Variants in MAST4 observed in about 807,000 individuals in gnomAD.
The protein encoded by MAST4 is microtubule associated serine/threonine kinase family member 4, also known as microtubule-associated serine/threonine-protein kinase 4.
MAST4 carries 89 observed loss-of-function variants against 162.7 expected under a neutral mutation model. The observed-to-expected ratio is 0.55, with a 90% CI of 0.46 to 0.65. MAST4 has a LOEUF of 0.65. Among genes scored for constraint, MAST4 ranks in the 30% least tolerant of loss-of-function variants. The probability of loss-of-function intolerance (pLI) is 0.00; values close to 1 mark genes in which losing one functional copy is unlikely to be tolerated. For missense variants in MAST4, 3,153 were observed against 3,374.0 expected (o/e 0.93, Z 1.62); for synonymous variants, 1,479 against 1,361.1 (o/e 1.09, Z -1.91).
intron 3 of MAST4, among the ~76,000 whole-genome samples, chr5:66,880,053 T>C (rs969398317): frequency 1.3e-5 from 2 of 152,216 alleles, no homozygotes; most frequent in Admixed American, 1.3e-4. Flanking sequence ...AGTAGTTAAG[T>C]GGATAAACAA....
At chr5:67,107,956 G>T (rs1010300200) in intron 10 of MAST4, among the ~76,000 whole-genome samples, 3 of 152,182 alleles carry the variant, frequency 2.0e-5, no homozygotes, top group Non-Finnish European at 2.9e-5. Flanking sequence ...GAGCTTGCTG[G>T]TAACAGCCAG....
intron 1 of MAST4, among the ~76,000 whole-genome samples, chr5:66,686,753 T>G (rs868601862): frequency 1.3e-5 from 2 of 152,168 alleles, no homozygotes; most frequent in African/African-American, 2.4e-5. Context: ...CTCCCGGAAG[T>G]TGCCCCACCC....
At chr5:67,017,925 A>G (rs1292691437) in intron 4 of MAST4, among the ~76,000 whole-genome samples, 1 of 152,184 alleles carries the variant, frequency 6.6e-6, no homozygotes, top group Non-Finnish European at 1.5e-5. Flanking sequence ...AAAAAATTTT[A>G]CATAGATTGA....
At chr5:66,768,185 C>T (rs757398119) in intron 2 of MAST4, among the ~76,000 whole-genome samples, 4 of 152,098 alleles carry the variant, frequency 2.6e-5, no homozygotes, top group Non-Finnish European at 5.9e-5. Context: ...AAAGTATGAG[C>T]TGGAAGGGTA....
At chr5:66,708,420 G>T (rs1403048916) in intron 1 of MAST4, among the ~76,000 whole-genome samples, 1 of 152,138 alleles carries the variant, frequency 6.6e-6, no homozygotes, top group Non-Finnish European at 1.5e-5. Flanking sequence ...TGTTAAAGGA[G>T]CAGTCCATAA....
At chr5:66,617,928 A>T (rs1743808807) in intron 1 of MAST4, among the ~76,000 whole-genome samples, 2 of 151,958 alleles carry the variant, frequency 1.3e-5, no homozygotes, top group Non-Finnish European at 2.9e-5. Context: ...TTGGATAGGG[A>T]ACTAGGTGCT....
intron 1 of MAST4, chr5:66,738,401 T>A (rs1752273629): frequency 6.6e-6 from 1 of 152,232 alleles, no homozygotes; most frequent in Non-Finnish European, 1.5e-5. Flanking sequence ...ACAATATTAT[T>A]GTATGCCTAG....
intron 3 of MAST4, among the ~76,000 whole-genome samples, chr5:66,823,958 C>T (rs1757116548): frequency 6.6e-6 from 1 of 152,168 alleles, no homozygotes; most frequent in Non-Finnish European, 1.5e-5. Context: ...CATGAATCAT[C>T]TGTTTCTCCT....
At chr5:66,678,796 A>ATT (rs11311474) in intron 1 of MAST4, among the ~76,000 whole-genome samples, 10 of 146,382 alleles carry the variant, frequency 6.8e-5, no homozygotes, top group African/African-American at 2.0e-4. Context: ...CCGGCCCCCA[A>ATT]TTTTTTTTTT....
At chr5:66,907,260 G>A (rs1441353956) in intron 4 of MAST4, among the ~76,000 whole-genome samples, 1 of 142,884 alleles carries the variant, frequency 7.0e-6, no homozygotes, top group Non-Finnish European at 1.5e-5. Context: ...CACCACACAG[G>A]AACAGAAGAG....
At chr5:66,612,547 C>A (rs1743359441) in intron 1 of MAST4, among the ~76,000 whole-genome samples, 1 of 152,096 alleles carries the variant, frequency 6.6e-6, no homozygotes, top group Admixed American at 6.5e-5. Flanking sequence ...AAGGAAGATG[C>A]AAAAGAAATA....
At chr5:66,975,740 T>A (rs1166618722) in intron 4 of MAST4, among the ~76,000 whole-genome samples, 1 of 152,164 alleles carries the variant, frequency 6.6e-6, no homozygotes, top group African/African-American at 2.4e-5. Flanking sequence ...ATGCCTGTAA[T>A]CCCAGCACTT....
chr5:66,686,291 T>G (rs1748650437), intron 1 of MAST4, among the ~76,000 whole-genome samples: 1 of 152,192 alleles, frequency 6.6e-6, no homozygotes, highest in Admixed American at 6.5e-5. Flanking sequence ...AGCACAGTAA[T>G]CTGTTTAACA....
intron 4 of MAST4, chr5:67,004,953 C>A: frequency 1.4e-6 from 1 of 739,762 alleles, no homozygotes; most frequent in Non-Finnish European, 2.5e-6. Flanking sequence ...CCATTTTAGT[C>A]ATATGGCCTT....
chr5:66,613,607 A>G (rs1268444169), intron 1 of MAST4, among the ~76,000 whole-genome samples: 1 of 152,116 alleles, frequency 6.6e-6, no homozygotes, highest in Non-Finnish European at 1.5e-5. Flanking sequence ...AGGCTGCCCC[A>G]GGCCCCAGGA....
chr5:66,647,183 G>T (rs1745898873), intron 1 of MAST4, among the ~76,000 whole-genome samples: 1 of 152,058 alleles, frequency 6.6e-6, no homozygotes, highest in African/African-American at 2.4e-5. Flanking sequence ...AAACACTTGG[G>T]ATGTTTTTCT....
chr5:67,048,003 C>T (rs908287181), intron 4 of MAST4, among the ~76,000 whole-genome samples: 2 of 152,154 alleles, frequency 1.3e-5, no homozygotes, highest in Admixed American at 6.5e-5. Context: ...GAGAAGACAA[C>T]AGAATGTAGG....
At chr5:66,846,396 A>G (rs1371342102) in intron 3 of MAST4, among the ~76,000 whole-genome samples, 1 of 152,152 alleles carries the variant, frequency 6.6e-6, no homozygotes, top group Admixed American at 6.6e-5. Context: ...GAGGAGCTAA[A>G]GCTATGATGT....
At chr5:66,936,649 A>G (rs142501288) in intron 4 of MAST4, among the ~76,000 whole-genome samples, 1 of 152,226 alleles carries the variant, frequency 6.6e-6, no homozygotes, top group Non-Finnish European at 1.5e-5. Flanking sequence ...AGGCAGGAAC[A>G]GTCCATCTGG....
Sources: allele counts gnomAD v4.1 joint callset (sites outside exome capture counted in the v4.1 genomes callset), GRCh38; gene constraint gnomAD v4.1.1; transcripts MANE v1.5; gene names NCBI Gene and HGNC (gene_info 2026-07-23, HGNC 2026-07-21).